The following HELB variants were observed in gnomAD, a reference collection of about 807,000 sequenced individuals.
HELB encodes DNA 5'-3' helicase B.
HELB carries 96 observed loss-of-function variants against 101.7 expected under a neutral mutation model. The observed-to-expected ratio is 0.94, with a 90% CI of 0.80 to 1.12. The LOEUF is 1.12. Ranked by LOEUF, HELB falls within the 50% of genes most tolerant of loss-of-function variation. The pLI is 0.00. For synonymous variants in HELB, 437 were observed against 459.7 expected, an observed-to-expected ratio of 0.95 and a Z score of 0.63; for missense variants, 1,210 against 1,291.9, an observed-to-expected ratio of 0.94 and a Z score of 0.97.
At chr12:66,330,362 G>GA (rs1216705976) in intron 11 of HELB, among the ~76,000 whole-genome samples, 2 of 151,486 alleles carry the variant, frequency 1.3e-5, no homozygotes, top group East Asian at 3.9e-4. Flanking sequence ...AGACAAGTAG[G>GA]AGAAAAAAAA....
Position 66,304,876 on chromosome 12 carries a change from T to C in HELB, c.333T>C (p.Ser111=). 4 of 1,614,186 alleles carry C rather than the reference T, an allele frequency of 2.5e-6. No homozygotes were observed. The highest frequency in any genetic ancestry group is 1.3e-5 in the African/African-American group (1 of 75,060). Residue 111 remains serine (S), a synonymous_variant, in exon 2 of 13, where the codon TCT becomes TCC. Transcript: ENST00000247815. ...AATATCAAGTTCAAGGATTTCCGTC[T>C]TACTTTTTGCAGTCTGATATGTCAC... ...SYQYQVQGFP[S]YFLQSDMSPP... is the part of the protein sequence containing the mutation.
chr12:66,306,531 C>A lies in HELB; in HGVS notation c.777+17C>A. The A allele has an allele frequency of 1.3e-6, 2 of 1,553,946 alleles. No individual in the cohort carries two copies. The highest frequency in any genetic ancestry group is 2.5e-5 in the South Asian group (2 of 80,298). On this transcript the variant is annotated intron_variant, in intron 3 of 12. Coordinates refer to ENST00000247815, the MANE Select transcript of HELB (RefSeq NM_001370285.1). ...TTTAGTAAAGTAAGTAAAACATTTG[C>A]TCAGCATATAGTAATCTTGTGTAAG... is the stretch of plus-strand genomic sequence containing the variant.
intron 11 of HELB, 89 bp from the exon 12 acceptor site, chr12:66,331,065 A>G: frequency 4.9e-6 from 7 of 1,427,106 alleles, no homozygotes; most frequent in Non-Finnish European, 6.6e-6. Flanking sequence ...GCTTGAGAGC[A>G]CTTTGAACAC....
At position 66,318,564 on chromosome 12, in the gene HELB, A is replaced by T. The variant is rs190457422; in HGVS notation, c.2001-74A>T. 5.7e-4 allele frequency: 764 copies of T among 1,347,460 alleles called. 4 individuals carry two copies. In the African/African-American group the frequency reaches 7.2e-3, roughly 13 times the overall value. The allele number at this position is 1,347,460 out of a possible 1,614,324, so 83.5% of individuals were successfully genotyped here. On this transcript the variant is annotated intron_variant, in intron 6 of 12. Coordinates refer to ENST00000247815, the MANE Select transcript of HELB (RefSeq NM_001370285.1). Reference sequence around the variant, plus strand: ...AATAGATACTAATTATTATAAGGACATTAGCTCTGATCATATATGAAGACA... The same window carrying T: ...AATAGATACTAATTATTATAAGGACTTTAGCTCTGATCATATATGAAGACA...
chr12:66,315,185 TC>T, intron 5 of HELB, 56 bp from the exon 6 acceptor site: 1 of 1,304,172 alleles, frequency 7.7e-7, no homozygotes, highest in Middle Eastern at 2.0e-4. Flanking sequence ...TTTTAAACAA[TC>T]TTGGGGGTAT....
At position 66,324,088 on chromosome 12, in the gene HELB, A is replaced by G. The variant is rs2053706197; in HGVS notation, c.2403A>G (p.Gln801=). ...LLPENISGSQ[Q]NNDLDASSED... ...CTGAAAATATCTCTGGAAGTCAGCA[A>G]AATAATGATCTAGATGCCAGTAGTG... Residue 801 remains glutamine (Q), a synonymous_variant, in exon 10 of 13, where the codon CAA becomes CAG. Transcript: ENST00000247815. 1 of 1,613,834 alleles carries G rather than the reference A, an allele frequency of 6.2e-7. No homozygotes were observed. The highest frequency in any genetic ancestry group is 8.5e-7 in the Non-Finnish European group (1 of 1,179,796).
rs113022875 is a variant in HELB, at chr12:66,306,440, T to A, written c.703T>A (p.Ser235Thr). ...TCGACACTTTAAATGGATCATAGGG[T>A]CAGGTTCTAAAGAGATGTTGAAAGA... ...LPRHFKWIIG[S>T]GSKEMLKEIE... The change falls in exon 3 of 13, where the codon TCA (serine) becomes ACA (threonine). Residue 235 changes from serine to threonine, a missense_variant. Ser to Thr is a moderately conservative substitution (Grantham distance 58). Around this residue, in one of 2 missense-constraint regions of HELB, gnomAD observed 470 missense variants for 563.1 expected, o/e 0.83. Transcript: ENST00000247815. The A allele has an allele frequency of 3.8e-4, 609 of 1,610,052 alleles. 2 individuals carry two copies. Among genetic ancestry groups the A allele is most frequent in the Non-Finnish European group, 3.3e-4 (384 of 1,178,242 alleles).
intron 2 of HELB, 55 bp downstream of exon 2, chr12:66,305,205 C>A: frequency 9.3e-7 from 1 of 1,073,568 alleles, no homozygotes; most frequent in Non-Finnish European, 1.4e-6. Flanking sequence ...TTAATAACTA[C>A]AGTGTTTAAA....
At chr12:66,307,228 T>A (rs2053487370) in intron 3 of HELB, among the ~76,000 whole-genome samples, 1 of 152,192 alleles carries the variant, frequency 6.6e-6, no homozygotes, top group South Asian at 2.1e-4. Context: ...ATAAGGAATT[T>A]TTCCCTTACA....
chr12:66,339,475 A>G (rs1435198272), downstream of HELB: 1 of 151,384 alleles, frequency 6.6e-6, no homozygotes, highest in African/African-American at 2.4e-5. Flanking sequence ...GAAACCTCAC[A>G]CTCTGGCCGG....
intron 13 of HELB, chr12:66,343,274 T>C (rs1316552695): frequency 2.0e-5 from 3 of 152,254 alleles, no homozygotes; most frequent in Non-Finnish European, 4.4e-5. Context: ...TGAACACAGA[T>C]GTCTTTCCAT....
intron 4 of HELB, among the ~76,000 whole-genome samples, chr12:66,313,509 G>T (rs929808532): frequency 6.6e-6 from 1 of 152,044 alleles, no homozygotes; most frequent in African/African-American, 2.4e-5. Flanking sequence ...TTGTAATAAA[G>T]AATTTTGTTG....
downstream of HELB, chr12:66,338,241 C>A: frequency 1.1e-5 from 7 of 639,578 alleles, no homozygotes; most frequent in South Asian, 1.2e-4. Context: ...GTTTTAAATC[C>A]ATTTCATCAA....
chr12:66,331,891 T>G (rs1315590987), intron 12 of HELB, among the ~76,000 whole-genome samples: 2 of 152,184 alleles, frequency 1.3e-5, no homozygotes, highest in Non-Finnish European at 1.5e-5. Flanking sequence ...TTTTTTCCTT[T>G]GAGAACTGAC....
chr12:66,310,818 C>G (rs535561282), intron 4 of HELB, among the ~76,000 whole-genome samples: 4 of 152,258 alleles, frequency 2.6e-5, no homozygotes, highest in African/African-American at 9.6e-5. Flanking sequence ...GTAATCCCAG[C>G]TACTCGGGAG....
chr12:66,302,573 C>A lies in HELB; in HGVS notation c.-31C>A. On this transcript the variant is annotated 5_prime_UTR_variant, in exon 1 of 13. Transcript: ENST00000247815. ...GACCATGCAGTTAGCCAGGGTTTTCCCGAGTTGTTTGGGTTGAGTTCAGGA... is the reference window on the plus strand; with the variant it reads ...GACCATGCAGTTAGCCAGGGTTTTCACGAGTTGTTTGGGTTGAGTTCAGGA... 6.2e-7 allele frequency: 1 copy of A among 1,600,498 alleles called. No individual in the cohort carries two copies. Among genetic ancestry groups the A allele is most frequent in the Non-Finnish European group, 8.6e-7 (1 of 1,169,310 alleles).
At chr12:66,321,729 G>A (rs538832844) in intron 7 of HELB, 25 of 449,170 alleles carry the variant, frequency 5.6e-5, no homozygotes, top group South Asian at 5.0e-4. Context: ...TGACCTCTCT[G>A]TTGAGGGTGG....
intron 9 of HELB, among the ~76,000 whole-genome samples, chr12:66,323,013 T>C (rs907809477): frequency 3.3e-5 from 5 of 152,018 alleles, no homozygotes; most frequent in Admixed American, 3.3e-4. Flanking sequence ...AGTGAAATTT[T>C]TTTGGTTTCA....
At chr12:66,327,529 A>G (rs1462011733) in intron 11 of HELB, among the ~76,000 whole-genome samples, 1 of 150,892 alleles carries the variant, frequency 6.6e-6, no homozygotes, top group Non-Finnish European at 1.5e-5. Context: ...AGGTGTCTTT[A>G]TTATTACTGG....
Sources: allele counts gnomAD v4.1 joint callset (sites outside exome capture counted in the v4.1 genomes callset), GRCh38; gene constraint gnomAD v4.1.1; regional missense constraint gnomAD v4.1.1; transcripts MANE v1.5; gene names NCBI Gene and HGNC (gene_info 2026-07-23, HGNC 2026-07-21).